The following TMEM233 variants were observed in gnomAD, a reference collection of about 807,000 sequenced individuals.
TMEM233 encodes the protein dispanin subfamily B member 2.
A neutral mutation model predicts 11.2 loss-of-function variants in TMEM233; 6 were observed. That is an observed-to-expected ratio of 0.54 (90% CI 0.29 to 1.06). The LOEUF (loss-of-function observed/expected upper bound fraction) is 1.06, where lower values mean the gene tolerates loss of function less well. Ranked by LOEUF, TMEM233 falls within the 50% of genes least tolerant of loss-of-function variation. The probability of loss-of-function intolerance (pLI) is 0.08; values close to 1 mark genes in which losing one functional copy is unlikely to be tolerated. For missense variants in TMEM233, 127 were observed against 144.7 expected (o/e 0.88, Z 0.63); for synonymous variants, 59 against 55.8 (o/e 1.06, Z -0.26).
rs989001463 is a variant in TMEM233 at position 119,641,835 on chromosome 12, T to C, written c.*1130T>C. 1 of 152,230 alleles carries C rather than the reference T, an allele frequency of 6.6e-6. No homozygotes were observed. The highest frequency in any genetic ancestry group is 1.5e-5 in the Non-Finnish European group (1 of 68,036). 9.4% of individuals were successfully genotyped at this position (152,230 alleles called of 1,614,324 possible). A position where few individuals can be genotyped will look rare whatever the true frequency, so the allele number is the denominator to read the frequency against. On this transcript the variant is annotated 3_prime_UTR_variant, in exon 3 of 3. Transcript: ENST00000426426. ...CTGATTACAGCAAGGAAAAAGTCTC[T>C]GTTTAGTGCTAGCAGGTCCTTTACA...
At chr12:119,647,952 T>G (rs1056322703), downstream of TMEM233, among the ~76,000 whole-genome samples, 2 of 152,164 alleles carry the variant, frequency 1.3e-5, no homozygotes, top group African/African-American at 4.8e-5. Flanking sequence ...AGATCTCATC[T>G]TCTACCTCGC....
chr12:119,600,321 G>A (rs1280091905), intron 1 of TMEM233, among the ~76,000 whole-genome samples: 14 of 143,278 alleles, frequency 9.8e-5, no homozygotes, highest in African/African-American at 3.6e-4. Flanking sequence ...AGAACCGGCT[G>A]AAAAAAATAA....
chr12:119,649,884 C>A, the TMEM233 span, among the ~76,000 whole-genome samples: 2 of 137,776 alleles, frequency 1.5e-5, no homozygotes, highest in Non-Finnish European at 3.1e-5. Context: ...AAGGGCCGGG[C>A]GCGTTGGCTC....
intron 1 of TMEM233, among the ~76,000 whole-genome samples, chr12:119,599,061 G>A (rs1247014087): frequency 6.6e-6 from 1 of 152,098 alleles, no homozygotes; most frequent in Non-Finnish European, 1.5e-5. Flanking sequence ...ACATGTCACT[G>A]GAATAAAAAT....
intron 2 of TMEM233, chr12:119,631,430 A>C: frequency 2.4e-6 from 2 of 828,812 alleles, no homozygotes; most frequent in Non-Finnish European, 2.9e-6. Context: ...GCAGCTGGGT[A>C]GAGGGGAAGA....
Position 119,594,800 on chromosome 12 carries a change from T to C in TMEM233, c.186+766T>C, listed in dbSNP as rs1057177095. Among the ~76,000 whole-genome samples the C allele has an allele frequency of 1.1e-4, 17 of 152,080 alleles. No homozygotes were observed. Among genetic ancestry groups the C allele is most frequent in the Non-Finnish European group, 1.0e-4 (7 of 68,012 alleles). Reference sequence around the variant, plus strand: ...TTCTTAGGCTCCCCGTGTGCCCCCCTCACCAGCAAAGTGGGTGCGCCTCTC... The same window carrying C: ...TTCTTAGGCTCCCCGTGTGCCCCCCCCACCAGCAAAGTGGGTGCGCCTCTC... On this transcript the variant is annotated intron_variant, in intron 1 of 2. Transcript: ENST00000426426. The surrounding 1 kb of genome is among the most constrained non-coding windows in gnomAD (Gnocchi z 5.6).
chr12:119,621,044 C>CT (rs3078447), intron 1 of TMEM233, among the ~76,000 whole-genome samples: 126 of 120,418 alleles, frequency 1.0e-3, no homozygotes, highest in African/African-American at 2.2e-3. Flanking sequence ...CCATACCTGG[C>CT]TTTTTTTTTT....
rs943517221 is a variant in TMEM233 at position 119,641,052 on chromosome 12, T to C, written c.*347T>C. On this transcript the variant is annotated 3_prime_UTR_variant, in exon 3 of 3. Transcript: ENST00000426426. ...CTCAGGAAATCACATAACTTTTCACTGAGGGGATCCAGGGGGTCTCCATAT... is the reference window on the plus strand; with the variant it reads ...CTCAGGAAATCACATAACTTTTCACCGAGGGGATCCAGGGGGTCTCCATAT... 3.7e-6 allele frequency: 1 copy of C among 268,966 alleles called. No homozygotes were observed. The highest frequency in any genetic ancestry group is 7.0e-6 in the Non-Finnish European group (1 of 142,398). The allele number at this position is 268,966 out of a possible 1,614,324, so 16.7% of individuals were successfully genotyped here.
At chr12:119,625,369 T>TC (rs1555266671) in intron 1 of TMEM233, among the ~76,000 whole-genome samples, 11 of 140,838 alleles carry the variant, frequency 7.8e-5, no homozygotes, top group African/African-American at 2.1e-4. Context: ...AACTTCTTCT[T>TC]TTTTTTTTTT....
chr12:119,623,445 A>G (rs575065391), intron 1 of TMEM233, among the ~76,000 whole-genome samples: 1 of 152,154 alleles, frequency 6.6e-6, no homozygotes, highest in African/African-American at 2.4e-5. Flanking sequence ...TAAAGCCTCT[A>G]AAACAGCTTC....
chr12:119,600,636 A>G (rs1404674025), intron 1 of TMEM233, among the ~76,000 whole-genome samples: 3 of 152,236 alleles, frequency 2.0e-5, no homozygotes, highest in Non-Finnish European at 4.4e-5. Flanking sequence ...GACATGGGCT[A>G]CAACCTGGAT....
chr12:119,634,255 G>A (rs994499962), intron 2 of TMEM233: 39 of 985,154 alleles, frequency 4.0e-5, no homozygotes, highest in Admixed American at 3.7e-4. Context: ...TAGAGGAGTC[G>A]AAGCCTGAAG....
At chr12:119,644,840 A>G (rs758647045), downstream of TMEM233, among the ~76,000 whole-genome samples, 34 of 152,250 alleles carry the variant, frequency 2.2e-4, no homozygotes, top group Middle Eastern at 0.017. Context: ...TTCTCTGACC[A>G]GTATTTATAG....
At chr12:119,649,463 G>GT in the TMEM233 span, among the ~76,000 whole-genome samples, 1 of 152,100 alleles carries the variant, frequency 6.6e-6, no homozygotes, top group Non-Finnish European at 1.5e-5. Flanking sequence ...GACAAATATC[G>GT]TATTTCTTTG....
At chr12:119,608,115 GT>G (rs1221213911) in intron 1 of TMEM233, among the ~76,000 whole-genome samples, 1 of 152,136 alleles carries the variant, frequency 6.6e-6, no homozygotes, top group Non-Finnish European at 1.5e-5. Context: ...TGTTGTTTTT[GT>G]TTTGTTCCAA....
In TMEM233 at chr12:119,612,076, C is replaced by A. The variant is rs145211203; in HGVS notation, c.187-17660C>A. Among the ~76,000 whole-genome samples the A allele has an allele frequency of 4.5e-3, 680 of 152,116 alleles. 6 individuals are homozygous for A. Among genetic ancestry groups the A allele is most frequent in the African/African-American group, 0.016 (652 of 41,506 alleles). On this transcript the variant is annotated intron_variant, in intron 1 of 2. Coordinates refer to ENST00000426426, the MANE Select transcript of TMEM233 (RefSeq NM_001136534.3). ...TGGTGTGGTCTCAGCTCACTGCAAC[C>A]TCCGCCTCCCGGGTTCAAGTGACTC...
At position 119,608,137 on chromosome 12, in the gene TMEM233, G is replaced by T. The variant is rs1954322377; in HGVS notation, c.186+14103G>T. Reference sequence around the variant, plus strand: ...TTTGTTTTGTTCCAATTCCAGTGGGGTTTTTTAGCCTGCAATGGTAAGAAG... The same window carrying T: ...TTTGTTTTGTTCCAATTCCAGTGGGTTTTTTTAGCCTGCAATGGTAAGAAG... On this transcript the variant is annotated intron_variant, in intron 1 of 2. Transcript: ENST00000426426. 3.3e-5 allele frequency among the ~76,000 whole-genome samples: 5 copies of T among 152,084 alleles called. No homozygotes were observed. In the South Asian group the frequency reaches 1.0e-3, roughly 32 times the overall value.
chr12:119,597,930 C>T (rs1954081008), intron 1 of TMEM233, among the ~76,000 whole-genome samples: 1 of 152,168 alleles, frequency 6.6e-6, no homozygotes, highest in Non-Finnish European at 1.5e-5. Context: ...GGCACATTTT[C>T]TCCATGCAGA....
At chr12:119,631,598 T>G (rs1308628228) in intron 2 of TMEM233, 7 of 985,334 alleles carry the variant, frequency 7.1e-6, no homozygotes, top group Non-Finnish European at 8.4e-6. Context: ...AGAATACACG[T>G]GAATGAACCT....
Sources: allele counts gnomAD v4.1 joint callset (sites outside exome capture counted in the v4.1 genomes callset), GRCh38; gene constraint gnomAD v4.1.1; non-coding constraint Gnocchi (gnomAD v3.1); transcripts MANE v1.5; gene names NCBI Gene and HGNC (gene_info 2026-07-23, HGNC 2026-07-21).